Variants in RNF144A observed in about 807,000 individuals in gnomAD.
RNF144A encodes the protein ring finger protein 144A, also known as E3 ubiquitin-protein ligase RNF144A.
Under a neutral mutation model 38.7 loss-of-function variants are expected in RNF144A, and 11 were observed. That is an observed-to-expected ratio of 0.28 (90% CI 0.18 to 0.47). The LOEUF (loss-of-function observed/expected upper bound fraction) is 0.47, where lower values mean the gene tolerates loss of function less well. RNF144A is among the 20% of genes least tolerant of loss of function. RNF144A has a pLI of 0.99. For missense variants in RNF144A, 316 were observed against 377.2 expected, an observed-to-expected ratio of 0.84 and a Z score of 1.34; for synonymous variants, 149 against 143.9, an observed-to-expected ratio of 1.04 and a Z score of -0.25.
At chr2:7,067,477 T>C (rs949937378) in intron 6 of RNF144A, among the ~76,000 whole-genome samples, 6 of 152,106 alleles carry the variant, frequency 3.9e-5, no homozygotes, top group African/African-American at 1.4e-4. Flanking sequence ...TCAAGCTCAG[T>C]GTTTAGAAAT....
intron 2 of RNF144A, among the ~76,000 whole-genome samples, chr2:6,967,034 CAA>C (rs1667708857): frequency 6.6e-6 from 1 of 152,288 alleles, no homozygotes; most frequent in East Asian, 1.9e-4. Context: ...GCCATCGACG[CAA>C]ACCATTTTGG....
intron 3 of RNF144A, among the ~76,000 whole-genome samples, chr2:7,014,232 G>A (rs2103418893): frequency 6.6e-6 from 1 of 152,294 alleles, no homozygotes; most frequent in Non-Finnish European, 1.5e-5. Context: ...CCTTAGCTTT[G>A]TGATTGAGCA....
chr2:7,065,616 A>G (rs1460820362), intron 6 of RNF144A, among the ~76,000 whole-genome samples: 1 of 152,228 alleles, frequency 6.6e-6, no homozygotes, highest in Non-Finnish European at 1.5e-5. Context: ...ATTATATGAA[A>G]ATGCATGTCA....
intron 1 of RNF144A, among the ~76,000 whole-genome samples, chr2:6,929,327 A>G (rs1238135612): frequency 1.3e-5 from 2 of 152,134 alleles, no homozygotes; most frequent in Non-Finnish European, 2.9e-5. Context: ...TCTCCTTGAC[A>G]GTGGAGTTGA....
rs1673096359 is a variant in RNF144A at position 7,042,337 on chromosome 2, G to C, written c.*2577G>C. 1.0e-6 allele frequency: 1 copy of C among 985,294 alleles called. No homozygotes were observed. The highest frequency in any genetic ancestry group is 1.2e-6 in the Non-Finnish European group (1 of 829,938). The allele number at this position is 985,294 out of a possible 1,614,324, so 61.0% of individuals were successfully genotyped here. A position where few individuals can be genotyped will look rare whatever the true frequency, so the allele number is the denominator to read the frequency against. On this transcript the variant is annotated 3_prime_UTR_variant, in exon 9 of 9. Transcript: ENST00000320892. ...AGTAAAACCTGGGGAGTTCTGCGTT[G>C]AGTGGACGGACTTATTCCTGTGAAG...
At chr2:7,061,258 T>C (rs1279092937) in intron 6 of RNF144A, among the ~76,000 whole-genome samples, 1 of 152,190 alleles carries the variant, frequency 6.6e-6, no homozygotes, top group Non-Finnish European at 1.5e-5. Context: ...TGTAAATATT[T>C]TTACTGCACA....
chr2:6,950,042 G>C (rs1666581419), intron 2 of RNF144A, among the ~76,000 whole-genome samples: 2 of 152,088 alleles, frequency 1.3e-5, no homozygotes, highest in East Asian at 1.9e-4. Flanking sequence ...CCATATTACT[G>C]TTTTAAGCAG....
intron 6 of RNF144A, among the ~76,000 whole-genome samples, chr2:7,056,708 T>C (rs1673753871): frequency 1.3e-5 from 2 of 152,188 alleles, no homozygotes; most frequent in African/African-American, 4.8e-5. Context: ...CCACTACACA[T>C]TTTGTTCAGT....
intron 6 of RNF144A, among the ~76,000 whole-genome samples, chr2:7,060,685 AT>A (rs1673916804): frequency 6.6e-6 from 1 of 152,162 alleles, no homozygotes; most frequent in Admixed American, 6.5e-5. Context: ...CACACCAGAG[AT>A]GCGTAGCATT....
intron 1 of RNF144A, among the ~76,000 whole-genome samples, chr2:6,918,923 C>G (rs570803593): frequency 6.6e-6 from 1 of 152,114 alleles, no homozygotes; most frequent in Non-Finnish European, 1.5e-5. Flanking sequence ...CTAGCTCCTG[C>G]ACTAAGAGCC....
chr2:7,044,979 A>G (rs563620406), downstream of RNF144A, among the ~76,000 whole-genome samples: 217 of 152,346 alleles, frequency 1.4e-3, no homozygotes, highest in Non-Finnish European at 2.3e-3. Flanking sequence ...AATAAGTTCA[A>G]TGGTAGACGC....
intron 2 of RNF144A, among the ~76,000 whole-genome samples, chr2:6,974,278 A>G: frequency 6.6e-6 from 1 of 152,206 alleles, no homozygotes; most frequent in East Asian, 1.9e-4. Context: ...CATGCATTCT[A>G]GTTTTCAGAA....
chr2:7,018,420 G>A (rs1264367523), intron 5 of RNF144A, among the ~76,000 whole-genome samples: 1 of 152,104 alleles, frequency 6.6e-6, no homozygotes, highest in East Asian at 1.9e-4. Context: ...GAGAGTTGTC[G>A]GAGGCATCGC....
chr2:6,943,063 C>T lies in RNF144A; in HGVS notation c.-12+1916C>T, dbSNP rs771309. On this transcript the variant is annotated intron_variant, in intron 2 of 8. Transcript: ENST00000320892. The surrounding 1 kb of genome is among the most constrained non-coding windows in gnomAD (Gnocchi z 4.3). The stretch of plus-strand genomic sequence containing the variant: ...TTATAAGCCACCCACATGGAGACAC[C>T]GAGTGGGTGGTCCTATCCAGATCTG... Among the ~76,000 whole-genome samples, 10,918 of 152,198 alleles carry T rather than the reference C, an allele frequency of 0.072. 711 individuals carry two copies. Among genetic ancestry groups the T allele is most frequent in the East Asian group, 0.24 (1,227 of 5,180 alleles).
downstream of RNF144A, among the ~76,000 whole-genome samples, chr2:7,068,540 C>A (rs931717841): frequency 1.3e-5 from 2 of 152,152 alleles, no homozygotes; most frequent in Non-Finnish European, 2.9e-5. Context: ...TATGTTCATC[C>A]AGGTTGAGGA....
intron 3 of RNF144A, 133 bp downstream of exon 3, chr2:6,997,194 C>G: frequency 1.3e-6 from 1 of 758,990 alleles, no homozygotes; most frequent in Admixed American, 2.3e-5. Flanking sequence ...GAGGCCTTCA[C>G]ACAGTTCTTG....
In RNF144A at chr2:7,068,257, ATC is replaced by A; in HGVS notation, c.778_779del (p.Ser260Ter). ...AGAAATGCATTCTCCATAATACTGA[ATC>A]TGAGTGTCATCTGTAAGAGGTGGGT... On this transcript the variant is annotated frameshift_variant, in exon 7 of 7. Coordinates refer to the RNF144A transcript ENST00000432850. LOFTEE classifies it high-confidence loss of function. 2.3e-6 allele frequency: 3 copies of A among 1,302,530 alleles called. No homozygotes were observed. Among genetic ancestry groups the A allele is most frequent in the Non-Finnish European group, 3.0e-6 (3 of 987,042 alleles). 80.7% of individuals were successfully genotyped at this position (1,302,530 alleles called of 1,614,324 possible).
intron 3 of RNF144A, among the ~76,000 whole-genome samples, chr2:7,005,782 A>G (rs1356500813): frequency 6.6e-6 from 1 of 151,896 alleles, no homozygotes; most frequent in Non-Finnish European, 1.5e-5. Flanking sequence ...TCTCATAAAA[A>G]CCTGTGAAAT....
intron 3 of RNF144A, among the ~76,000 whole-genome samples, chr2:7,011,438 G>A (rs1437962936): frequency 6.6e-6 from 1 of 152,196 alleles, no homozygotes; most frequent in Admixed American, 6.5e-5. Flanking sequence ...AACCTCACCA[G>A]CCTTGGAATC....
Sources: gnomAD v4.1 joint callset for allele counts (sites outside exome capture counted in the v4.1 genomes callset) on GRCh38, gnomAD v4.1.1 for gene constraint, Gnocchi (gnomAD v3.1) non-coding constraint, MANE v1.5 for transcripts, NCBI Gene and HGNC (gene_info 2026-07-23, HGNC 2026-07-21) for gene names.